The following CATSPERB variants were observed in gnomAD, a reference collection of about 807,000 sequenced individuals.
CATSPERB encodes the protein cation channel sperm-associated auxiliary subunit beta.
Under a neutral mutation model 128.3 loss-of-function variants are expected in CATSPERB, and 93 were observed. The ratio of observed to expected loss-of-function variants is 0.72; its 90% CI spans 0.61 to 0.86. The LOEUF (loss-of-function observed/expected upper bound fraction) is 0.86. CATSPERB is among the 40% of genes least tolerant of loss of function. The pLI is 0.00. For synonymous variants in CATSPERB, 381 were observed against 448.8 expected (o/e 0.85, Z 1.91); for missense variants, 1,153 against 1,329.5 (o/e 0.87, Z 2.06).
At position 91,647,154 on chromosome 14, in the gene CATSPERB, T is replaced by C. The variant is rs150281902; in HGVS notation, c.1433-7904A>G. ...TCTCACAGGGGCCTTCCAATGGCCA[T>C]AACCTCTCAGACAGGTTTTTTTCTC... On this transcript the variant is annotated intron_variant, in intron 15 of 26. Coordinates refer to ENST00000256343, the MANE Select transcript of CATSPERB (RefSeq NM_024764.4). Among the ~76,000 whole-genome samples the C allele has an allele frequency of 3.7e-3, 559 of 152,368 alleles. 3 individuals are homozygous for C. Among genetic ancestry groups the C allele is most frequent in the African/African-American group, 0.012 (488 of 41,584 alleles).
At chr14:91,589,698 A>G (rs2139758477) in intron 23 of CATSPERB, 29 bp from the exon 24 acceptor site, 1 of 1,601,718 alleles carries the variant, frequency 6.2e-7, no homozygotes, top group Non-Finnish European at 8.5e-7. Flanking sequence ...GAATGAATGT[A>G]AACTTGGGAA....
intron 14 of CATSPERB, among the ~76,000 whole-genome samples, chr14:91,668,630 G>A (rs1895031338): frequency 6.6e-6 from 1 of 152,136 alleles, no homozygotes; most frequent in East Asian, 1.9e-4. Context: ...GCTCACTCGT[G>A]GTCCACACTA....
chr14:91,680,981 TTATGGCAA>T (rs1895270708), intron 11 of CATSPERB, among the ~76,000 whole-genome samples: 1 of 152,142 alleles, frequency 6.6e-6, no homozygotes, highest in Non-Finnish European at 1.5e-5. Context: ...AACAGGTTCT[TTATGGCAA>T]TAAGCTATCA....
chr14:91,723,675 T>C (rs1191508847), intron 3 of CATSPERB, among the ~76,000 whole-genome samples: 1 of 152,134 alleles, frequency 6.6e-6, no homozygotes, highest in Non-Finnish European at 1.5e-5. Flanking sequence ...TTAAGATCGC[T>C]TTGGGCAAGT....
intron 5 of CATSPERB, among the ~76,000 whole-genome samples, chr14:91,715,318 T>C (rs1028888004): frequency 3.9e-5 from 6 of 151,960 alleles, no homozygotes; most frequent in Non-Finnish European, 7.4e-5. Flanking sequence ...TCCTAGCACT[T>C]TGGGAGGCCG....
Position 91,608,359 on chromosome 14 carries a change from T to A in CATSPERB, c.2644A>T (p.Thr882Ser), listed in dbSNP as rs1405822762. 1 of 1,612,014 alleles carries A rather than the reference T, an allele frequency of 6.2e-7. No individual in the cohort carries two copies. The highest frequency in any genetic ancestry group is 1.3e-5 in the African/African-American group (1 of 74,884). The change falls in exon 22 of 27, where the codon ACA becomes TCA. Residue 882 changes from threonine (T) to serine (S), a missense_variant. Thr to Ser is a moderately conservative substitution (Grantham distance 58). Transcript: ENST00000256343. ...PSNMGIAIPL[T>S]DNFYHADPSK... is the part of the protein sequence containing the mutation. ...GGATCTGCATGATAAAAATTATCTG[T>A]GAGTGGAATAGCAATTCCCATATTA...
chr14:91,710,117 G>A (rs1895813513), intron 5 of CATSPERB: 1 of 153,194 alleles, frequency 6.5e-6, no homozygotes, highest in Non-Finnish European at 1.5e-5. Flanking sequence ...AAACCTATTC[G>A]AGTAGTTTAT....
At chr14:91,653,969 C>T (rs1437708714) in intron 15 of CATSPERB, among the ~76,000 whole-genome samples, 1 of 152,180 alleles carries the variant, frequency 6.6e-6, no homozygotes, top group Non-Finnish European at 1.5e-5. Flanking sequence ...AATTCACCTA[C>T]ACTATGTTAG....
intron 17 of CATSPERB, among the ~76,000 whole-genome samples, chr14:91,627,582 G>A (rs1300742198): frequency 6.6e-6 from 1 of 152,170 alleles, no homozygotes; most frequent in Non-Finnish European, 1.5e-5. Flanking sequence ...TTTAGGGTCA[G>A]CAAACTGTGG....
chr14:91,686,757 T>C (rs963569047), intron 10 of CATSPERB, among the ~76,000 whole-genome samples: 4 of 152,226 alleles, frequency 2.6e-5, no homozygotes, highest in African/African-American at 9.6e-5. Flanking sequence ...AGTTCTAGGA[T>C]GTATTGTATC....
At position 91,637,760 on chromosome 14, in the gene CATSPERB, G is replaced by A. The variant is rs549298462; in HGVS notation, c.1588-1181C>T. 1.4e-4 allele frequency among the ~76,000 whole-genome samples: 22 copies of A among 152,176 alleles called. No homozygotes were observed. In the South Asian group the frequency reaches 1.9e-3, roughly 13 times the overall value. Reference sequence around the variant, plus strand: ...AAGTGATATTGCTGAGTATGGCTTCGTCAAACTTGTCCTAAGTATACAAAT... The same window carrying A: ...AAGTGATATTGCTGAGTATGGCTTCATCAAACTTGTCCTAAGTATACAAAT... On this transcript the variant is annotated intron_variant, in intron 16 of 26. Transcript: ENST00000256343.
chr14:91,605,046 G>T, intron 22 of CATSPERB: 1 of 1,194,010 alleles, frequency 8.4e-7, no homozygotes, highest in Non-Finnish European at 1.3e-6. Context: ...TTCTTGAATG[G>T]GACCTTGTCT....
At chr14:91,637,683 G>C (rs1461126146) in intron 16 of CATSPERB, among the ~76,000 whole-genome samples, 2 of 152,132 alleles carry the variant, frequency 1.3e-5, no homozygotes, top group Non-Finnish European at 2.9e-5. Context: ...TGTAATAAGA[G>C]CCAGCGATTA....
At chr14:91,707,411 A>G (rs1895750289) in intron 6 of CATSPERB, among the ~76,000 whole-genome samples, 1 of 152,146 alleles carries the variant, frequency 6.6e-6, no homozygotes, top group African/African-American at 2.4e-5. Context: ...TCAGAGTCCC[A>G]AAGACAGTAT....
At chr14:91,684,135 C>A (rs12434202) in intron 10 of CATSPERB, among the ~76,000 whole-genome samples, 192 bp from the exon 11 acceptor site, 47 of 152,204 alleles carry the variant, frequency 3.1e-4, no homozygotes, top group African/African-American at 8.4e-4. Flanking sequence ...GAACAATGCA[C>A]AAAAAAGGCA....
In CATSPERB at chr14:91,707,449, A is replaced by AT. The variant is rs5810550; in HGVS notation, c.466+691dup. ...CAATTACTATTGAATAATTAGTAAC[A>AT]TTTTTTTTTTAATTTGGAAGCTACC... On this transcript the variant is annotated intron_variant, in intron 6 of 26. Coordinates refer to ENST00000256343, the MANE Select transcript of CATSPERB (RefSeq NM_024764.4). 6.0e-3 allele frequency among the ~76,000 whole-genome samples: 907 copies of AT among 149,946 alleles called. 3 individuals carry two copies. Among genetic ancestry groups the AT allele is most frequent in the Non-Finnish European group, 8.9e-3 (599 of 67,366 alleles).
At chr14:91,728,004 A>G (rs183822885) in intron 2 of CATSPERB, among the ~76,000 whole-genome samples, 139 of 152,256 alleles carry the variant, frequency 9.1e-4, no homozygotes, top group African/African-American at 2.6e-3. Flanking sequence ...CCATTTTTTC[A>G]GTCTCCCCTG....
intron 5 of CATSPERB, among the ~76,000 whole-genome samples, chr14:91,713,351 G>A (rs1895874770): frequency 6.6e-6 from 1 of 151,976 alleles, no homozygotes; most frequent in South Asian, 2.1e-4. Flanking sequence ...GACAACTGAT[G>A]AAATTAGGAA....
At chr14:91,673,772 A>G (rs894003401) in intron 12 of CATSPERB, among the ~76,000 whole-genome samples, 7 of 152,086 alleles carry the variant, frequency 4.6e-5, no homozygotes, top group African/African-American at 1.4e-4. Context: ...AGTCCCAGCT[A>G]CTTGGTATGC....
Sources: allele counts gnomAD v4.1 joint callset (sites outside exome capture counted in the v4.1 genomes callset), GRCh38; gene constraint gnomAD v4.1.1; transcripts MANE v1.5; gene names NCBI Gene and HGNC (gene_info 2026-07-23, HGNC 2026-07-21).